Variants in MYOC observed in about 807,000 individuals in gnomAD.
MYOC encodes juvenile-onset open-angle glaucoma 1.
A neutral mutation model predicts 28.2 loss-of-function variants in MYOC; 29 were observed. The observed-to-expected ratio is 1.03, with a 90% CI of 0.77 to 1.40. MYOC has a LOEUF of 1.40. Ranked by LOEUF, MYOC falls within the 40% of genes most tolerant of loss-of-function variation. MYOC has a pLI of 0.00. For synonymous variants in MYOC, 240 were observed against 245.6 expected (o/e 0.98, Z 0.21); for missense variants, 569 against 620.6 (o/e 0.92, Z 0.88).
chr1:171,652,185 T>C lies in MYOC; in HGVS notation c.427A>G (p.Ser143Gly). 1.9e-6 allele frequency: 3 copies of C among 1,614,208 alleles called. No homozygotes were observed. The highest frequency in any genetic ancestry group is 2.5e-6 in the Non-Finnish European group (3 of 1,180,034). The change falls in exon 1 of 3, where the codon AGC (serine) becomes GGC (glycine). Residue 143 changes from serine (S) to glycine (G), a missense_variant. Transcript: ENST00000037502. ...TQTRELETAY[S>G]NLLRDKSVLE... ...ACTGACTTGTCTCGGAGGAGGTTGC[T>C]GTAGGCAGTCTCCAACTCTCTGGTT... is the stretch of plus-strand genomic sequence containing the variant.
intron 2 of MYOC, among the ~76,000 whole-genome samples, chr1:171,637,794 G>T (rs150205432): frequency 2.1e-4 from 32 of 151,864 alleles, no homozygotes; most frequent in African/African-American, 7.5e-4. Flanking sequence ...TGTATTTTTA[G>T]TAGAGACAGT....
At chr1:171,639,509 G>A (rs1653020266) in intron 1 of MYOC, among the ~76,000 whole-genome samples, 1 of 151,976 alleles carries the variant, frequency 6.6e-6, no homozygotes, top group Non-Finnish European at 1.5e-5. Flanking sequence ...GCTGGGCATG[G>A]TGGTAAGCAT....
Position 171,635,823 on chromosome 1 carries a change from A to G in MYOC, c.*102T>C. 1 of 1,286,688 alleles carries G rather than the reference A, an allele frequency of 7.8e-7. No homozygotes were observed. The highest frequency in any genetic ancestry group is 1.1e-6 in the Non-Finnish European group (1 of 908,594). 79.7% of individuals were successfully genotyped at this position (1,286,688 alleles called of 1,614,324 possible). A position where few individuals can be genotyped will look rare whatever the true frequency, so the allele number is the denominator to read the frequency against. ...ATTAATGAAAACTTGGAAAGCAGTCAAAGCTGCCTGGGCCCTGGCTGGCTG... is the reference window on the plus strand; with the variant it reads ...ATTAATGAAAACTTGGAAAGCAGTCGAAGCTGCCTGGGCCCTGGCTGGCTG... On this transcript the variant is annotated 3_prime_UTR_variant, in exon 3 of 3. Coordinates refer to ENST00000037502, the MANE Select transcript of MYOC (RefSeq NM_000261.2).
intron 1 of MYOC, 50 bp downstream of exon 1, chr1:171,651,958 C>A (rs113416006): frequency 1.9e-6 from 3 of 1,613,332 alleles, no homozygotes; most frequent in Non-Finnish European, 2.5e-6. Context: ...CAGGTCACTA[C>A]GAGCCATATC....
At chr1:171,639,017 A>G (rs603501) in intron 1 of MYOC, among the ~76,000 whole-genome samples, 78 of 151,858 alleles carry the variant, frequency 5.1e-4, no homozygotes, top group Non-Finnish European at 9.0e-4. Flanking sequence ...AATTGCTTGA[A>G]CCAAGGAGGG....
At chr1:171,647,879 T>C (rs1353506968) in intron 1 of MYOC, among the ~76,000 whole-genome samples, 1 of 151,962 alleles carries the variant, frequency 6.6e-6, no homozygotes, top group Non-Finnish European at 1.5e-5. Flanking sequence ...ACTTTCTGCA[T>C]AGAAAGTCTA....
At chr1:171,636,765 A>G (rs1345617300) in intron 2 of MYOC, 56 bp from the exon 3 acceptor site, 1 of 1,562,902 alleles carries the variant, frequency 6.4e-7, no homozygotes, top group South Asian at 1.1e-5. Flanking sequence ...CTTTCCAAAC[A>G]CAGACAATGA....
chr1:171,638,503 G>A, intron 2 of MYOC, 94 bp downstream of exon 2: 1 of 1,451,206 alleles, frequency 6.9e-7, no homozygotes, highest in South Asian at 1.2e-5. Context: ...TTCCCCCTTG[G>A]GTGGGCATTT....
chr1:171,635,904 C>T lies in MYOC; in HGVS notation c.*21G>A, dbSNP rs767733168. ...CCCTGAGCATCTCCTTCTGCCATTG[C>T]CTGTACAGCTTGGAGGCTTTTCACA... On this transcript the variant is annotated 3_prime_UTR_variant, in exon 3 of 3. Transcript: ENST00000037502. The T allele has an allele frequency of 1.2e-5, 19 of 1,613,442 alleles. No homozygotes were observed. The highest frequency in any genetic ancestry group is 1.1e-5 in the Non-Finnish European group (13 of 1,179,814).
intron 1 of MYOC, among the ~76,000 whole-genome samples, chr1:171,645,342 C>A (rs1653175085): frequency 1.3e-5 from 2 of 152,174 alleles, no homozygotes; most frequent in South Asian, 4.1e-4. Context: ...CCTGTGCCTG[C>A]CCTGACTCCC....
intron 2 of MYOC, among the ~76,000 whole-genome samples, chr1:171,637,761 T>C (rs1158231980): frequency 6.6e-6 from 1 of 151,944 alleles, no homozygotes; most frequent in Non-Finnish European, 1.5e-5. Flanking sequence ...TACAGATGAC[T>C]GCCACCATGC....
chr1:171,638,735 A>C lies in MYOC; in HGVS notation c.605-13T>G, dbSNP rs767704219. On this transcript the variant is annotated splice_polypyrimidine_tract_variant and intron_variant, in intron 1 of 2. Transcript: ENST00000037502. ...TTCCACGTAGAAACTGCATTAAAAG[A>C]AAGAGACAAAATTTTACTGTAAGAA... is the stretch of plus-strand genomic sequence containing the variant. 1 of 1,613,830 alleles carries C rather than the reference A, an allele frequency of 6.2e-7. No individual in the cohort carries two copies. The highest frequency in any genetic ancestry group is 8.5e-7 in the Non-Finnish European group (1 of 1,179,834).
In MYOC at chr1:171,636,504, A is replaced by T; in HGVS notation, c.936T>A (p.Pro312=). The T allele has an allele frequency of 6.2e-7, 1 of 1,611,622 alleles. No homozygotes were observed. Among genetic ancestry groups the T allele is most frequent in the Non-Finnish European group, 8.5e-7 (1 of 1,178,564 alleles). ...DLISQFMQGY[P]SKVHILPRPL... ...GCCTAGGCAGTATGTGAACCTTAGAAGGGTAGCCCTGCATAAACTGGCTGA... is the reference window on the plus strand; with the variant it reads ...GCCTAGGCAGTATGTGAACCTTAGATGGGTAGCCCTGCATAAACTGGCTGA... The change falls in exon 3 of 3, where the codon CCT becomes CCA. Residue 312 remains proline (P), a synonymous_variant. Transcript: ENST00000037502.
chr1:171,647,024 CAT>C (rs1653220656), intron 1 of MYOC, among the ~76,000 whole-genome samples: 1 of 152,136 alleles, frequency 6.6e-6, no homozygotes, highest in African/African-American at 2.4e-5. Flanking sequence ...AAGTTCAGTC[CAT>C]ATTACATAAA....
chr1:171,645,777 C>A (rs905703374), intron 1 of MYOC, among the ~76,000 whole-genome samples: 1 of 152,208 alleles, frequency 6.6e-6, no homozygotes, highest in East Asian at 1.9e-4. Context: ...GCACTCAATC[C>A]TCTTATCAGT....
intron 1 of MYOC, among the ~76,000 whole-genome samples, chr1:171,644,984 T>C (rs1417698747): frequency 6.6e-6 from 1 of 152,162 alleles, no homozygotes; most frequent in East Asian, 1.9e-4. Flanking sequence ...CATCCTGTGC[T>C]GAGGAGGTGT....
intron 1 of MYOC, among the ~76,000 whole-genome samples, chr1:171,649,151 G>A (rs991250016): frequency 6.6e-6 from 1 of 152,064 alleles, no homozygotes; most frequent in Non-Finnish European, 1.5e-5. Context: ...GTATAAACAA[G>A]TGATTTCTAT....
intron 1 of MYOC, among the ~76,000 whole-genome samples, chr1:171,648,917 C>A (rs1316480190): frequency 6.6e-6 from 1 of 150,900 alleles, no homozygotes; most frequent in East Asian, 1.9e-4. Context: ...AAACTCCTGA[C>A]CTCAAGTGAT....
In MYOC at chr1:171,636,606, G is replaced by A. The variant is rs778293128; in HGVS notation, c.834C>T (p.Tyr278=). 3 of 1,612,778 alleles carry A rather than the reference G, an allele frequency of 1.9e-6. No individual in the cohort carries two copies. In the South Asian group the frequency reaches 3.3e-5, roughly 18 times the overall value. The part of the protein sequence containing the change: ...GVWMRDPKPT[Y]PYTQETTWRI... Reference sequence around the variant, plus strand: ...TCCACGTGGTCTCCTGGGTGTAGGGGTAGGTGGGCTTGGGGTCTCGCATCC... The same window carrying A: ...TCCACGTGGTCTCCTGGGTGTAGGGATAGGTGGGCTTGGGGTCTCGCATCC... Residue 278 remains tyrosine, a synonymous_variant, in exon 3 of 3, where the codon TAC becomes TAT. Coordinates refer to ENST00000037502, the MANE Select transcript of MYOC (RefSeq NM_000261.2).
Sources: allele counts gnomAD v4.1 joint callset (sites outside exome capture counted in the v4.1 genomes callset), GRCh38; gene constraint gnomAD v4.1.1; transcripts MANE v1.5; gene names NCBI Gene and HGNC (gene_info 2026-07-23, HGNC 2026-07-21).